Variants in SLC35F1 observed in about 807,000 individuals in gnomAD.
SLC35F1 encodes the protein solute carrier family 35 member F1.
SLC35F1 carries 14 observed loss-of-function variants against 48.7 expected under a neutral mutation model. The ratio of observed to expected loss-of-function variants is 0.29; its 90% CI spans 0.19 to 0.45. SLC35F1 has a LOEUF of 0.45. Among genes scored for constraint, SLC35F1 ranks in the 20% least tolerant of loss-of-function variants. SLC35F1 has a pLI of 1.00. For missense variants in SLC35F1, 404 were observed against 500.0 expected (o/e 0.81, Z 1.83); for synonymous variants, 190 against 202.2 (o/e 0.94, Z 0.51).
At chr6:117,985,912 A>C (rs993784488) in intron 1 of SLC35F1, among the ~76,000 whole-genome samples, 1 of 152,222 alleles carries the variant, frequency 6.6e-6, no homozygotes, top group Non-Finnish European at 1.5e-5. Context: ...CTTTATTGTA[A>C]ACAGAGATGG....
chr6:118,119,956 A>C (rs918766977), intron 1 of SLC35F1, among the ~76,000 whole-genome samples: 4 of 152,172 alleles, frequency 2.6e-5, no homozygotes, highest in Non-Finnish European at 5.9e-5. Flanking sequence ...GTTCAAAGAA[A>C]GACCACTCCA....
At chr6:118,009,735 C>G (rs1777221113) in intron 1 of SLC35F1, among the ~76,000 whole-genome samples, 1 of 152,126 alleles carries the variant, frequency 6.6e-6, no homozygotes, top group South Asian at 2.1e-4. Flanking sequence ...CTCAGTAAAA[C>G]TGAGTGCACA....
In SLC35F1 at chr6:118,217,253, T is replaced by C. The variant is rs144575062; in HGVS notation, c.350-18256T>C. ...ACTCAAGTGTCCATCAGTAAATGAATATATAAACAAAATGTGGTATATCCA... is the reference window on the plus strand; with the variant it reads ...ACTCAAGTGTCCATCAGTAAATGAACATATAAACAAAATGTGGTATATCCA... On this transcript the variant is annotated intron_variant, in intron 2 of 7. Coordinates refer to ENST00000360388, the MANE Select transcript of SLC35F1 (RefSeq NM_001029858.4). 4.9e-3 allele frequency among the ~76,000 whole-genome samples: 751 copies of C among 152,318 alleles called. 7 individuals are homozygous for C. Among genetic ancestry groups the C allele is most frequent in the African/African-American group, 0.017 (690 of 41,568 alleles).
intron 3 of SLC35F1, among the ~76,000 whole-genome samples, chr6:118,259,750 T>C (rs143059748): frequency 1.4e-4 from 21 of 151,362 alleles, no homozygotes; most frequent in Admixed American, 1.3e-4. Context: ...AAAGAGAAAC[T>C]AGAACCCTTG....
At chr6:118,071,073 C>CACATAGTATATATAT (rs1562280985) in intron 1 of SLC35F1, among the ~76,000 whole-genome samples, 1 of 1,186 alleles carries the variant, frequency 8.4e-4, no homozygotes, top group African/African-American at 6.8e-3. Flanking sequence ...CGTATATATA[C>CACATAGTATATATAT]TATGTGTATA....
intron 1 of SLC35F1, among the ~76,000 whole-genome samples, chr6:118,088,625 G>A (rs376417279): frequency 3.1e-4 from 47 of 152,174 alleles, no homozygotes; most frequent in East Asian, 2.5e-3. Context: ...TAAATAGGAC[G>A]TCTTAAAACA....
chr6:118,141,827 G>A (rs985411788), intron 1 of SLC35F1, among the ~76,000 whole-genome samples: 2 of 152,084 alleles, frequency 1.3e-5, no homozygotes, highest in African/African-American at 4.8e-5. Context: ...ATAAATGACT[G>A]CTTTCCCTAC....
At chr6:117,995,807 T>C (rs1776979405) in intron 1 of SLC35F1, among the ~76,000 whole-genome samples, 1 of 152,128 alleles carries the variant, frequency 6.6e-6, no homozygotes, top group Admixed American at 6.6e-5. Context: ...CAAAGTTCTG[T>C]TTAAGAAATG....
intron 1 of SLC35F1, among the ~76,000 whole-genome samples, chr6:118,090,260 C>T (rs1773053781): frequency 6.6e-6 from 1 of 152,092 alleles, no homozygotes; most frequent in Non-Finnish European, 1.5e-5. Flanking sequence ...CTAGTATTGT[C>T]ATTTAGTCCT....
chr6:118,203,532 A>G (rs1197587789), intron 2 of SLC35F1, among the ~76,000 whole-genome samples: 1 of 152,176 alleles, frequency 6.6e-6, no homozygotes, highest in African/African-American at 2.4e-5. Context: ...TAATCTAACT[A>G]TCTCCCTCTG....
At chr6:118,280,869 C>T (rs1488492546) in intron 6 of SLC35F1, among the ~76,000 whole-genome samples, 1 of 125,234 alleles carries the variant, frequency 8.0e-6, no homozygotes, top group South Asian at 2.5e-4. Context: ...GAGTCTGTCC[C>T]AAAAAAAAAA....
chr6:117,922,295 A>G (rs1309340207), intron 1 of SLC35F1, among the ~76,000 whole-genome samples: 1 of 152,186 alleles, frequency 6.6e-6, no homozygotes, highest in Non-Finnish European at 1.5e-5. Context: ...ACATTTTCTT[A>G]TTCTCATTCA....
intron 2 of SLC35F1, among the ~76,000 whole-genome samples, chr6:118,160,898 ATTTTT>A (rs5879450): frequency 7.0e-6 from 1 of 143,848 alleles, no homozygotes; most frequent in African/African-American, 2.6e-5. Context: ...GTATCCTGCT[ATTTTT>A]TTTTTTTTTT....
intron 1 of SLC35F1, among the ~76,000 whole-genome samples, chr6:118,038,476 A>G (rs1018975706): frequency 6.6e-6 from 1 of 152,090 alleles, no homozygotes. Flanking sequence ...GGAGTGCTAT[A>G]TATATCTTAA....
At chr6:117,924,366 T>G (rs1775991225) in intron 1 of SLC35F1, among the ~76,000 whole-genome samples, 9 of 142,362 alleles carry the variant, frequency 6.3e-5, no homozygotes, top group Admixed American at 5.6e-4. Context: ...TATACACACA[T>G]AGGTACACAT....
intron 2 of SLC35F1, among the ~76,000 whole-genome samples, chr6:118,234,431 G>A (rs1335498478): frequency 1.3e-5 from 2 of 152,096 alleles, no homozygotes; most frequent in African/African-American, 2.4e-5. Flanking sequence ...CTGTACAAAG[G>A]TCCTTGGGGT....
chr6:118,057,723 A>C (rs1040697970), intron 1 of SLC35F1, among the ~76,000 whole-genome samples: 3 of 152,168 alleles, frequency 2.0e-5, no homozygotes, highest in Non-Finnish European at 4.4e-5. Flanking sequence ...AGAGTAGAGG[A>C]GGTCTGTTTT....
chr6:117,992,185 A>G (rs1776927836), intron 1 of SLC35F1, among the ~76,000 whole-genome samples: 1 of 151,720 alleles, frequency 6.6e-6, no homozygotes, highest in Admixed American at 6.6e-5. Flanking sequence ...CATCTTTTTA[A>G]CTTCTTGTAT....
chr6:117,917,774 A>G (rs1775845276), intron 1 of SLC35F1, among the ~76,000 whole-genome samples: 1 of 152,088 alleles, frequency 6.6e-6, no homozygotes, highest in Non-Finnish European at 1.5e-5. Context: ...AATTCTGGGG[A>G]GAAGTCAGAG....
Sources: gnomAD v4.1 joint callset for allele counts (sites outside exome capture counted in the v4.1 genomes callset) on GRCh38, gnomAD v4.1.1 for gene constraint, MANE v1.5 for transcripts, NCBI Gene and HGNC (gene_info 2026-07-23, HGNC 2026-07-21) for gene names.